LDLRAD3: variants seen among roughly 807,000 people sequenced by gnomAD.
LDLRAD3 encodes the protein low-density lipoprotein receptor class A domain-containing protein 3.
LDLRAD3 carries 20 observed loss-of-function variants against 29.4 expected under a neutral mutation model. That is an observed-to-expected ratio of 0.68 (90% CI 0.48 to 0.99). LDLRAD3 has a LOEUF of 0.99. Ranked by LOEUF, LDLRAD3 falls within the 50% of genes least tolerant of loss-of-function variation. The pLI is 0.00. For synonymous variants in LDLRAD3, 157 were observed against 192.7 expected (o/e 0.81, Z 1.53); for missense variants, 420 against 454.3 (o/e 0.92, Z 0.69).
intron 4 of LDLRAD3, among the ~76,000 whole-genome samples, chr11:36,211,665 G>C (rs1565307751): frequency 6.6e-6 from 1 of 152,286 alleles, no homozygotes; most frequent in East Asian, 1.9e-4. Flanking sequence ...GACTGCCTGG[G>C]GTCCCTGGCC....
At chr11:36,103,369 C>G (rs1400979471) in intron 4 of LDLRAD3, among the ~76,000 whole-genome samples, 1 of 151,712 alleles carries the variant, frequency 6.6e-6, no homozygotes, top group Non-Finnish European at 1.5e-5. Flanking sequence ...TCCAGAGTAG[C>G]TGGGACTACA....
intron 4 of LDLRAD3, among the ~76,000 whole-genome samples, chr11:36,171,719 C>CTA (rs1231179997): frequency 6.6e-6 from 1 of 152,306 alleles, no homozygotes; most frequent in East Asian, 1.9e-4. Context: ...GTTTTGGTGA[C>CTA]TATAGCCTTA....
chr11:36,092,643 C>T (rs903543246), intron 3 of LDLRAD3, among the ~76,000 whole-genome samples: 1 of 152,202 alleles, frequency 6.6e-6, no homozygotes. Flanking sequence ...GTCCCCTTCT[C>T]TGGCTGTCAG....
intron 1 of LDLRAD3, chr11:35,968,362 G>A: frequency 2.7e-6 from 1 of 365,818 alleles, no homozygotes; most frequent in South Asian, 2.7e-5. Flanking sequence ...GGCTCAGCGG[G>A]CTTTTGGGAG....
chr11:36,063,562 C>A (rs1474044837), intron 2 of LDLRAD3, among the ~76,000 whole-genome samples: 1 of 152,160 alleles, frequency 6.6e-6, no homozygotes, highest in Non-Finnish European at 1.5e-5. Flanking sequence ...CAAGGTTCAT[C>A]TGTGTTGTAT....
chr11:35,996,262 T>C (rs1222740975), intron 1 of LDLRAD3, among the ~76,000 whole-genome samples: 2 of 152,184 alleles, frequency 1.3e-5, no homozygotes, highest in Non-Finnish European at 2.9e-5. Flanking sequence ...AATTCCATTA[T>C]TGTTGCGTCT....
At chr11:35,959,929 C>T (rs569638962) in intron 1 of LDLRAD3, among the ~76,000 whole-genome samples, 2 of 152,196 alleles carry the variant, frequency 1.3e-5, no homozygotes, top group South Asian at 4.1e-4. Flanking sequence ...GAGACTCCAT[C>T]CCCCGCCAAA....
chr11:36,056,581 TTTCAGGA>T (rs1312489003), intron 2 of LDLRAD3, among the ~76,000 whole-genome samples: 1 of 152,158 alleles, frequency 6.6e-6, no homozygotes, highest in Admixed American at 6.5e-5. Flanking sequence ...TGGAGGAGGT[TTTCAGGA>T]TTCACTTGGA....
intron 1 of LDLRAD3, among the ~76,000 whole-genome samples, chr11:35,954,466 C>T (rs1297698127): frequency 1.3e-5 from 2 of 152,176 alleles, no homozygotes; most frequent in African/African-American, 2.4e-5. Flanking sequence ...GAACCTGATT[C>T]AGTGCTTGGC....
At chr11:36,010,416 T>A (rs149818294) in intron 1 of LDLRAD3, among the ~76,000 whole-genome samples, 1,642 of 152,316 alleles carry the variant, frequency 0.011, 23 homozygotes, top group African/African-American at 0.035. Flanking sequence ...CCCAACTCTT[T>A]GATTCCCAAA....
In LDLRAD3 at chr11:36,113,228, C is replaced by T. The variant is rs535581568; in HGVS notation, c.454+14767C>T. Among the ~76,000 whole-genome samples, 5 of 146,270 alleles carry T rather than the reference C, an allele frequency of 3.4e-5. No homozygotes were observed. In the South Asian group the frequency reaches 1.0e-3, roughly 30 times the overall value. On this transcript the variant is annotated intron_variant, in intron 4 of 5. Coordinates refer to ENST00000315571, the MANE Select transcript of LDLRAD3 (RefSeq NM_174902.4). ...GGTAAGCTGCCATAACAAAGAGATC[C>T]CATCGTGAAGTGGCTAAAATGAGAT...
At chr11:36,192,344 A>G (rs1006797115) in intron 4 of LDLRAD3, among the ~76,000 whole-genome samples, 2 of 152,152 alleles carry the variant, frequency 1.3e-5, no homozygotes, top group African/African-American at 4.8e-5. Flanking sequence ...TTGTCTCCCA[A>G]TCTTGGATCC....
chr11:35,981,604 G>C (rs757419426), intron 1 of LDLRAD3, among the ~76,000 whole-genome samples: 4 of 152,138 alleles, frequency 2.6e-5, no homozygotes, highest in Non-Finnish European at 5.9e-5. Flanking sequence ...TCATTTAGAT[G>C]GTCCTGATGC....
At chr11:36,024,572 C>T (rs1852139228) in intron 1 of LDLRAD3, among the ~76,000 whole-genome samples, 1 of 152,230 alleles carries the variant, frequency 6.6e-6, no homozygotes, top group Non-Finnish European at 1.5e-5. Context: ...TTTTAACAGA[C>T]TGTCTTCCCA....
At chr11:36,081,526 A>G (rs2133257359) in intron 2 of LDLRAD3, 127 bp from the exon 3 acceptor site, 6 of 1,271,002 alleles carry the variant, frequency 4.7e-6, no homozygotes, top group East Asian at 2.3e-5. Context: ...GGTAATGAGA[A>G]GAAAGCTTCA....
chr11:36,200,144 TGACACAGCAAGA>T (rs1292841071), intron 4 of LDLRAD3, among the ~76,000 whole-genome samples: 1 of 151,988 alleles, frequency 6.6e-6, no homozygotes, highest in Non-Finnish European at 1.5e-5. Context: ...TCAGCCTGGG[TGACACAGCAAGA>T]CTCCATCTAA....
intron 4 of LDLRAD3, among the ~76,000 whole-genome samples, chr11:36,124,690 C>CTT (rs771578777): frequency 9.1e-5 from 13 of 143,054 alleles, no homozygotes; most frequent in Admixed American, 1.4e-4. Flanking sequence ...CTTTTCCTTT[C>CTT]TTTTTTTTTT....
At chr11:36,210,166 C>T (rs1428723207) in intron 4 of LDLRAD3, among the ~76,000 whole-genome samples, 1 of 152,238 alleles carries the variant, frequency 6.6e-6, no homozygotes, top group Non-Finnish European at 1.5e-5. Flanking sequence ...TCAGAATCTT[C>T]TGGCACCCTG....
At position 36,135,500 on chromosome 11, in the gene LDLRAD3, G is replaced by A. The variant is rs148392621; in HGVS notation, c.454+37039G>A. Among the ~76,000 whole-genome samples the A allele has an allele frequency of 2.8e-3, 425 of 152,138 alleles. 1 individual carries two copies. Among genetic ancestry groups the A allele is most frequent in the African/African-American group, 8.8e-3 (365 of 41,480 alleles). On this transcript the variant is annotated intron_variant, in intron 4 of 5. Coordinates refer to ENST00000315571, the MANE Select transcript of LDLRAD3 (RefSeq NM_174902.4). The stretch of plus-strand genomic sequence containing the variant: ...GTTTAAAATGATAAACTCCTTCATG[G>A]CATCACCTACCCATCTCCCAAAACA...
Sources: gnomAD v4.1 joint callset for allele counts (sites outside exome capture counted in the v4.1 genomes callset) on GRCh38, gnomAD v4.1.1 for gene constraint, MANE v1.5 for transcripts, NCBI Gene and HGNC (gene_info 2026-07-23, HGNC 2026-07-21) for gene names.